Variants in SH3D21 observed in about 807,000 individuals in gnomAD.
SH3D21 encodes the protein SH3 domain-containing protein 21.
SH3D21 carries 83 observed loss-of-function variants against 82.1 expected under a neutral mutation model. That is an observed-to-expected ratio of 1.01 (90% CI 0.85 to 1.21). SH3D21 has a LOEUF of 1.21. Ranked by LOEUF, SH3D21 falls within the 50% of genes most tolerant of loss-of-function variation. The pLI is 0.00. For synonymous variants in SH3D21, 383 were observed against 387.8 expected (o/e 0.99, Z 0.15); for missense variants, 980 against 962.1 (o/e 1.02, Z -0.25).
downstream of SH3D21, chr1:36,322,270 G>A: frequency 1.4e-6 from 2 of 1,473,870 alleles, no homozygotes; most frequent in Non-Finnish European, 1.8e-6. Context: ...TACCCCGAGC[G>A]CCTTGCAGCG....
chr1:36,307,670 G>A lies in SH3D21; in HGVS notation c.436+63G>A, dbSNP rs1646156439. On this transcript the variant is annotated intron_variant, in intron 5 of 15. Coordinates refer to ENST00000453908, the MANE Select transcript of SH3D21 (RefSeq NM_001162530.2). This position sits in a 1 kb window ranked among gnomAD's most constrained non-coding sequence, Gnocchi z 5.4. Reference sequence around the variant, plus strand: ...TCCAATGACCCTCCCAGTGGCATGAGCCTGTGATTCACATATCCTGACCCT... The same window carrying A: ...TCCAATGACCCTCCCAGTGGCATGAACCTGTGATTCACATATCCTGACCCT... 6 of 1,542,708 alleles carry A rather than the reference G, an allele frequency of 3.9e-6. No individual in the cohort carries two copies. The highest frequency in any genetic ancestry group is 5.3e-6 in the Non-Finnish European group (6 of 1,140,418).
downstream of SH3D21, chr1:36,324,342 C>T (rs1265057340): frequency 6.6e-6 from 1 of 152,296 alleles, no homozygotes; most frequent in Non-Finnish European, 1.5e-5. Context: ...ATCCCGTCCC[C>T]CACCCCAAGG....
intron 9 of SH3D21, among the ~76,000 whole-genome samples, chr1:36,308,721 C>T (rs1178536146): frequency 2.0e-5 from 3 of 152,162 alleles, no homozygotes; most frequent in Non-Finnish European, 4.4e-5. Flanking sequence ...CGGTGGCTCA[C>T]GCCTGTAATC....
chr1:36,319,330 C>T lies in SH3D21; in HGVS notation c.916+18C>T. On this transcript the variant is annotated intron_variant, in intron 12 of 15. Coordinates refer to ENST00000453908, the MANE Select transcript of SH3D21 (RefSeq NM_001162530.2). ...AGACTCAGGCAAGGGCTGCCTTCCT[C>T]CAGTGCGGGGAGGACTGGAGGACAG... 1.3e-6 allele frequency: 2 copies of T among 1,551,592 alleles called. No individual in the cohort carries two copies. The highest frequency in any genetic ancestry group is 2.4e-5 in the East Asian group (1 of 40,912).
downstream of SH3D21, chr1:36,322,902 G>A (rs180865697): frequency 5.4e-4 from 851 of 1,577,124 alleles, 6 homozygotes; most frequent in African/African-American, 0.01. Flanking sequence ...CGGACAAGGC[G>A]CTGGGGAGGG....
Position 36,308,164 on chromosome 1 carries a change from C to T in SH3D21, c.594C>T (p.Asp198=), listed in dbSNP as rs907902046. Residue 198 remains aspartate (D), a synonymous_variant, in exon 8 of 16, where the codon GAC becomes GAT. Coordinates refer to ENST00000453908, the MANE Select transcript of SH3D21 (RefSeq NM_001162530.2). ...TTGACTACCAGCCTGAGGCCCCAGA[C>T]GAGTTGGCGCTGCGGAGGGGGGACG... ...VLFDYQPEAP[D]ELALRRGDVV... 8 of 1,549,136 alleles carry T rather than the reference C, an allele frequency of 5.2e-6. No individual in the cohort carries two copies. Among genetic ancestry groups the T allele is most frequent in the East Asian group, 2.4e-5 (1 of 40,914 alleles).
At chr1:36,315,909 T>C (rs1432995301) in intron 10 of SH3D21, among the ~76,000 whole-genome samples, 1 of 152,280 alleles carries the variant, frequency 6.6e-6, no homozygotes, top group African/African-American at 2.4e-5. Context: ...CATTTCTTTT[T>C]CAAGAATGCT....
chr1:36,320,624 C>T lies in SH3D21; in HGVS notation c.1961C>T (p.Ala654Val). Residue 654 changes from alanine to valine, a missense_variant, in exon 14 of 16, where the codon GCC becomes GTC. Coordinates refer to ENST00000453908, the MANE Select transcript of SH3D21 (RefSeq NM_001162530.2). ...EEVPPIERAFAQKTRPIKPPP... is the reference protein window; with the variant it reads ...EEVPPIERAFVQKTRPIKPPP... ...GTGCCCCCCATAGAAAGAGCCTTTG[C>T]CCAAAAAACACGTCCTATCAAGCCG... is the stretch of plus-strand genomic sequence containing the variant. 6.2e-7 allele frequency: 1 copy of T among 1,614,246 alleles called. No individual in the cohort carries two copies. Among genetic ancestry groups the T allele is most frequent in the Non-Finnish European group, 8.5e-7 (1 of 1,180,044 alleles).
At chr1:36,315,841 C>G (rs977812641) in intron 10 of SH3D21, among the ~76,000 whole-genome samples, 4 of 152,220 alleles carry the variant, frequency 2.6e-5, no homozygotes, top group Non-Finnish European at 4.4e-5. Context: ...TTACTCTGCT[C>G]TGTAACCCTG....
intron 10 of SH3D21, among the ~76,000 whole-genome samples, chr1:36,313,364 A>T (rs1369811796): frequency 6.6e-6 from 1 of 151,332 alleles, no homozygotes; most frequent in African/African-American, 2.4e-5. Context: ...TAAGATGGGA[A>T]TCATCTTTCC....
chr1:36,311,887 G>T lies in SH3D21; in HGVS notation c.769+2297G>T, dbSNP rs539908865. Among the ~76,000 whole-genome samples the T allele has an allele frequency of 2.0e-5, 3 of 151,940 alleles. No homozygotes were observed. The South Asian group carries it at 6.2e-4, about 32-fold the overall frequency. On this transcript the variant is annotated intron_variant, in intron 10 of 15. Transcript: ENST00000453908. ...CTTTTAATCTTTTTGTAGAGATGGGGTCTCACTGTGTTGCCCAGGCTGGTC... is the reference window on the plus strand; with the variant it reads ...CTTTTAATCTTTTTGTAGAGATGGGTTCTCACTGTGTTGCCCAGGCTGGTC...
chr1:36,319,357 G>C, intron 12 of SH3D21, 45 bp downstream of exon 12: 1 of 1,551,356 alleles, frequency 6.4e-7, no homozygotes, highest in Non-Finnish European at 8.7e-7. Flanking sequence ...GGAGGACAGG[G>C]ATGGGGTGGC....
Position 36,306,968 on chromosome 1 carries a change from G to T in SH3D21, c.226+63G>T. 1 of 1,356,524 alleles carries T rather than the reference G, an allele frequency of 7.4e-7. No individual in the cohort carries two copies. Among genetic ancestry groups the T allele is most frequent in the Non-Finnish European group, 9.5e-7 (1 of 1,047,148 alleles). The allele number at this position is 1,356,524 out of a possible 1,614,324, so 84.0% of individuals were successfully genotyped here. On this transcript the variant is annotated intron_variant, in intron 3 of 15. Transcript: ENST00000453908. This position sits in a 1 kb window ranked among gnomAD's most constrained non-coding sequence, Gnocchi z 4.5. ...TGCACGGAGCCAGTGCGACCCCGGC[G>T]TCTCCGGCTCTTAGTGACGGGCGCG...
chr1:36,321,157 A>C lies in SH3D21; in HGVS notation c.*30A>C. ...GGGCCTGGGAAGGGACCGCGGCCTG[A>C]CCTGGCTGGGGCCACCCACGTCCTT... On this transcript the variant is annotated 3_prime_UTR_variant, in exon 16 of 16. Coordinates refer to ENST00000453908, the MANE Select transcript of SH3D21 (RefSeq NM_001162530.2). The surrounding 1 kb of genome is among the most constrained non-coding windows in gnomAD (Gnocchi z 6.1). 1 of 1,603,130 alleles carries C rather than the reference A, an allele frequency of 6.2e-7. No homozygotes were observed. Among genetic ancestry groups the C allele is most frequent in the Non-Finnish European group, 8.5e-7 (1 of 1,175,382 alleles).
rs995904048 is a variant in SH3D21, at chr1:36,308,482, A to G, written c.726+7A>G. 1 of 1,551,298 alleles carries G rather than the reference A, an allele frequency of 6.4e-7. No individual in the cohort carries two copies. The highest frequency in any genetic ancestry group is 1.4e-5 in the African/African-American group (1 of 73,004). On this transcript the variant is annotated splice_region_variant and intron_variant, in intron 9 of 15. Coordinates refer to ENST00000453908, the MANE Select transcript of SH3D21 (RefSeq NM_001162530.2). ...TGTACTCCCACCACCCCCAGTGAGT[A>G]CAGAGCCAAGACACTCAGGTGGCAG...
downstream of SH3D21, chr1:36,321,818 G>C: frequency 9.9e-7 from 1 of 1,011,938 alleles, no homozygotes; most frequent in Non-Finnish European, 1.2e-6. The surrounding 1 kb of genome is among the most constrained non-coding windows in gnomAD (Gnocchi z 6.1). Flanking sequence ...GCGCGCGCTT[G>C]CTCTGTGTGT....
Position 36,306,561 on chromosome 1 carries a change from T to A in SH3D21, c.5-37T>A. The A allele has an allele frequency of 7.7e-7, 1 of 1,302,592 alleles. No homozygotes were observed. Among genetic ancestry groups the A allele is most frequent in the South Asian group, 1.2e-5 (1 of 80,884 alleles). 80.7% of individuals were successfully genotyped at this position (1,302,592 alleles called of 1,614,324 possible). On this transcript the variant is annotated intron_variant, in intron 1 of 15. Transcript: ENST00000453908. This position sits in a 1 kb window ranked among gnomAD's most constrained non-coding sequence, Gnocchi z 4.5. Reference sequence around the variant, plus strand: ...CTAGCCAGGCTGCCCGGCTGGGCCTTTCTGAGCCGCACGCCGGCCCCGTCT... The same window carrying A: ...CTAGCCAGGCTGCCCGGCTGGGCCTATCTGAGCCGCACGCCGGCCCCGTCT...
chr1:36,313,751 G>T (rs942183295), intron 10 of SH3D21, among the ~76,000 whole-genome samples: 2 of 151,646 alleles, frequency 1.3e-5, no homozygotes, highest in Non-Finnish European at 2.9e-5. Context: ...TTATTGTAAA[G>T]AAAAGGTCTT....
rs536307242 is a variant in SH3D21 at position 36,308,362 on chromosome 1, C to G, written c.640-27C>G. ...AAGGACCTTGGGGGACCTGGCTCAC[C>G]TCCCCACTGGCGTGTTTCTTTTCCA... On this transcript the variant is annotated intron_variant, in intron 8 of 15. Coordinates refer to ENST00000453908, the MANE Select transcript of SH3D21 (RefSeq NM_001162530.2). The G allele has an allele frequency of 3.9e-6, 6 of 1,546,902 alleles. No individual in the cohort carries two copies. In the African/African-American group the frequency reaches 8.2e-5, roughly 21 times the overall value.
Sources: allele counts gnomAD v4.1 joint callset (sites outside exome capture counted in the v4.1 genomes callset), GRCh38; gene constraint gnomAD v4.1.1; non-coding constraint Gnocchi (gnomAD v3.1); transcripts MANE v1.5; gene names NCBI Gene and HGNC (gene_info 2026-07-23, HGNC 2026-07-21).